NXPH4: variants seen among roughly 807,000 people sequenced by gnomAD.
NXPH4 encodes neurexophilin 4, also known as neurexophilin-4.
NXPH4 carries 8 observed loss-of-function variants against 21.3 expected under a neutral mutation model. That is an observed-to-expected ratio of 0.38 (90% CI 0.22 to 0.68). The LOEUF (loss-of-function observed/expected upper bound fraction) is 0.68, where lower values mean the gene tolerates loss of function less well. Among genes scored for constraint, NXPH4 ranks in the 30% least tolerant of loss-of-function variants. The pLI, the probability that NXPH4 is intolerant of heterozygous loss-of-function variation, is 0.53. For missense variants in NXPH4, 418 were observed against 416.8 expected (o/e 1.00, Z -0.03); for synonymous variants, 219 against 192.6 (o/e 1.14, Z -1.13).
Position 57,224,957 on chromosome 12 carries a change from C to A in NXPH4, c.137C>A (p.Pro46His). Reference protein sequence around the residue: ...LRPAAAGAGAPGQQLPEPRSS... With the variant: ...LRPAAAGAGAHGQQLPEPRSS... The stretch of plus-strand genomic sequence containing the variant: ...CCCGCCGCGGCCGGAGCGGGTGCCC[C>A]CGGCCAGCAGCTCCCAGAGCCAAGG... The change falls in exon 2 of 2, where the codon CCC becomes CAC. Residue 46 changes from proline (P) to histidine (H), a missense_variant. Transcript: ENST00000349394. 1.4e-6 allele frequency: 2 copies of A among 1,414,106 alleles called. No individual in the cohort carries two copies. Among genetic ancestry groups the A allele is most frequent in the Non-Finnish European group, 1.8e-6 (2 of 1,083,776 alleles). The allele number at this position is 1,414,106 out of a possible 1,614,324, so 87.6% of individuals were successfully genotyped here.
intron 1 of NXPH4, among the ~76,000 whole-genome samples, chr12:57,219,348 C>T (rs921343298): frequency 6.6e-6 from 1 of 152,176 alleles, no homozygotes; most frequent in African/African-American, 2.4e-5. Flanking sequence ...GAGGATCTTT[C>T]TCATACAGTC....
At chr12:57,217,497 C>T (rs955374694) in intron 1 of NXPH4, among the ~76,000 whole-genome samples, 1 of 152,236 alleles carries the variant, frequency 6.6e-6, no homozygotes, top group Admixed American at 6.5e-5. Context: ...ATCCATGGCC[C>T]GAGCACACAC....
In NXPH4 at chr12:57,217,041, G is replaced by T; in HGVS notation, c.57+15G>T. 1.9e-6 allele frequency: 3 copies of T among 1,593,356 alleles called. No homozygotes were observed. The African/African-American group carries it at 4.0e-5, about 21-fold the overall frequency. On this transcript the variant is annotated intron_variant, in intron 1 of 1. Transcript: ENST00000349394. ...TCCTTAGGAAGGTAAGAGTGGCAGG[G>T]CTGGGGCGCTAGCGCGGGCGCGGGG...
chr12:57,217,127 C>G (rs1313697096), intron 1 of NXPH4, 101 bp downstream of exon 1: 1 of 1,097,396 alleles, frequency 9.1e-7, no homozygotes. Flanking sequence ...GCCCCCAGCT[C>G]CGAGCGTCCC....
intron 1 of NXPH4, 126 bp downstream of exon 1, chr12:57,217,152 C>G: frequency 1.2e-6 from 1 of 804,522 alleles, no homozygotes; most frequent in South Asian, 1.7e-5. Context: ...TTGCGCGGCG[C>G]GGGGGAAGCG....
chr12:57,223,975 G>A (rs2037117553), intron 1 of NXPH4, among the ~76,000 whole-genome samples: 1 of 152,230 alleles, frequency 6.6e-6, no homozygotes, highest in Non-Finnish European at 1.5e-5. Flanking sequence ...TGGCGACTGG[G>A]AGGGATACCC....
intron 1 of NXPH4, 30 bp from the exon 2 acceptor site, chr12:57,224,848 C>T (rs756418328): frequency 1.2e-5 from 8 of 664,306 alleles, no homozygotes; most frequent in African/African-American, 1.1e-4. Context: ...ACAACCCCAG[C>T]GTCTCTCTCT....
At chr12:57,217,121 C>T (rs762841339) in intron 1 of NXPH4, 95 bp downstream of exon 1, 5 of 1,165,718 alleles carry the variant, frequency 4.3e-6, no homozygotes, top group Non-Finnish European at 6.1e-6. Flanking sequence ...CGCCCCGCCC[C>T]CAGCTCCGAG....
At chr12:57,217,090 G>A (rs2037047124) in intron 1 of NXPH4, 64 bp downstream of exon 1, 1 of 1,402,986 alleles carries the variant, frequency 7.1e-7, no homozygotes, top group African/African-American at 1.5e-5. Context: ...AGGTCCCAGT[G>A]TGCGAGGGGC....
chr12:57,222,957 T>G (rs1395261297), intron 1 of NXPH4, among the ~76,000 whole-genome samples: 1 of 152,132 alleles, frequency 6.6e-6, no homozygotes, highest in Admixed American at 6.5e-5. Context: ...CCCAGCAGCT[T>G]GGCTCTGCTG....
intron 1 of NXPH4, among the ~76,000 whole-genome samples, chr12:57,219,591 C>A (rs956100838): frequency 2.0e-5 from 3 of 152,198 alleles, no homozygotes; most frequent in African/African-American, 7.2e-5. Context: ...CCAGCTACCC[C>A]CTCCTGCCTC....
At chr12:57,219,905 C>A in intron 1 of NXPH4, 1 of 152,668 alleles carries the variant, frequency 6.6e-6, no homozygotes, top group Non-Finnish European at 1.5e-5. Context: ...GTAATAAGGA[C>A]AGAAGCAAGG....
chr12:57,225,113 A>G lies in NXPH4; in HGVS notation c.293A>G (p.Lys98Arg). The G allele has an allele frequency of 6.6e-7, 1 of 1,521,298 alleles. No individual in the cohort carries two copies. Among genetic ancestry groups the G allele is most frequent in the East Asian group, 2.4e-5 (1 of 42,164 alleles). The allele number at this position is 1,521,298 out of a possible 1,614,324, so 94.2% of individuals were successfully genotyped here. A position where few individuals can be genotyped will look rare whatever the true frequency, so the allele number is the denominator to read the frequency against. ...AQRTKRKPSI[K>R]AARAKKIFGW... is the part of the protein sequence containing the mutation. ...CGCACCAAGAGGAAGCCGTCCATCA[A>G]GGCGGCGCGCGCCAAAAAGATCTTC... is the stretch of plus-strand genomic sequence containing the variant. Residue 98 changes from lysine to arginine, a missense_variant, in exon 2 of 2, where the codon AAG becomes AGG. By Grantham distance (26) the Lys-to-Arg change is conservative (BLOSUM62 2). Coordinates refer to ENST00000349394, the MANE Select transcript of NXPH4 (RefSeq NM_007224.4).
intron 1 of NXPH4, chr12:57,221,670 A>G (rs2037093857): frequency 1.0e-5 from 3 of 289,938 alleles, no homozygotes; most frequent in African/African-American, 4.4e-5. Context: ...CCCCGCGCCG[A>G]CAGCAGCGCT....
rs1167410996 is a variant in NXPH4, at chr12:57,225,523, G to A, written c.703G>A (p.Val235Met). ...AKESRAFNCH[V>M]EYEKTNRARK... ...AGAGTCACGCGCTTTCAATTGCCACGTGGAGTATGAGAAGACAAACCGCGC... is the reference window on the plus strand; with the variant it reads ...AGAGTCACGCGCTTTCAATTGCCACATGGAGTATGAGAAGACAAACCGCGC... The change falls in exon 2 of 2, where the codon GTG becomes ATG. Residue 235 changes from valine to methionine, a missense_variant. Val to Met is a conservative substitution (Grantham distance 21). Transcript: ENST00000349394. The A allele has an allele frequency of 6.8e-6, 11 of 1,612,502 alleles. No homozygotes were observed. In the Admixed American group the frequency reaches 1.7e-4, roughly 24 times the overall value.
chr12:57,225,691 G>T lies in NXPH4; in HGVS notation c.871G>T (p.Val291Leu). 1 of 1,613,832 alleles carries T rather than the reference G, an allele frequency of 6.2e-7. No individual in the cohort carries two copies. The highest frequency in any genetic ancestry group is 1.1e-5 in the South Asian group (1 of 91,078). Residue 291 changes from valine (V) to leucine (L), a missense_variant, in exon 2 of 2, where the codon GTG (valine) becomes TTG (leucine). Physicochemically the swap from Val to Leu is conservative, Grantham distance 32. Coordinates refer to ENST00000349394, the MANE Select transcript of NXPH4 (RefSeq NM_007224.4). ...VSFLSFDYKLVQKVCPDYNFQ... is the reference protein window; with the variant it reads ...VSFLSFDYKLLQKVCPDYNFQ... Reference sequence around the variant, plus strand: ...TTTCCTCAGCTTTGACTACAAACTGGTGCAGAAGGTGTGCCCAGACTATAA... The same window carrying T: ...TTTCCTCAGCTTTGACTACAAACTGTTGCAGAAGGTGTGCCCAGACTATAA...
chr12:57,224,344 A>G (rs771452445), intron 1 of NXPH4, among the ~76,000 whole-genome samples: 8 of 150,356 alleles, frequency 5.3e-5, no homozygotes, highest in Non-Finnish European at 7.4e-5. Context: ...CTCGAACTGA[A>G]CTCCTGACCT....
Position 57,225,324 on chromosome 12 carries a change from G to C in NXPH4, c.504G>C (p.Leu168=), listed in dbSNP as rs147287568. 1.2e-4 allele frequency: 194 copies of C among 1,559,282 alleles called. No homozygotes were observed. The highest frequency in any genetic ancestry group is 3.4e-4 in the Middle Eastern group (2 of 5,846). ...GTGTCGAGTTCGGAGGAGTCTGGCT[G>C]CCCGGGCCTGTCCCCCACCCTCTGC... ...SKRVEFGGVW[L]PGPVPHPLQS... The change falls in exon 2 of 2, where the codon CTG becomes CTC. Residue 168 remains leucine (L), a synonymous_variant. Coordinates refer to ENST00000349394, the MANE Select transcript of NXPH4 (RefSeq NM_007224.4).
intron 1 of NXPH4, among the ~76,000 whole-genome samples, chr12:57,220,455 GAAATAAAATA>G (rs138224994): frequency 6.6e-5 from 10 of 151,182 alleles, no homozygotes; most frequent in African/African-American, 2.4e-4. Flanking sequence ...AGGAAGCAGG[GAAATAAAATA>G]AAATAAAATA....
Sources: allele counts gnomAD v4.1 joint callset (sites outside exome capture counted in the v4.1 genomes callset), GRCh38; gene constraint gnomAD v4.1.1; transcripts MANE v1.5; gene names NCBI Gene and HGNC (gene_info 2026-07-23, HGNC 2026-07-21).